CTNNA3: variants seen among roughly 807,000 people sequenced by gnomAD.
The protein encoded by CTNNA3 is catenin alpha-3.
Under a neutral mutation model 95.7 loss-of-function variants are expected in CTNNA3, and 76 were observed. The observed-to-expected ratio is 0.79, with a 90% confidence interval of 0.66 to 0.96. The LOEUF is 0.96. Among genes scored for constraint, CTNNA3 ranks in the 40% least tolerant of loss-of-function variants. The pLI is 0.00. For missense variants in CTNNA3, 1,191 were observed against 1,089.8 expected, an observed-to-expected ratio of 1.09 and a Z score of -1.31; for synonymous variants, 431 against 374.4, an observed-to-expected ratio of 1.15 and a Z score of -1.74.
At chr10:66,432,132 T>TA (rs1294843726) in intron 11 of CTNNA3, among the ~76,000 whole-genome samples, 2 of 151,914 alleles carry the variant, frequency 1.3e-5, no homozygotes, top group South Asian at 2.1e-4. Context: ...TATTTAATAA[T>TA]AAAAAACAAA....
At chr10:66,542,949 T>G (rs1295176426) in intron 10 of CTNNA3, among the ~76,000 whole-genome samples, 1 of 152,000 alleles carries the variant, frequency 6.6e-6, no homozygotes, top group Non-Finnish European at 1.5e-5. Context: ...AAAATAGAAA[T>G]TCTACTTTTA....
At chr10:66,503,529 T>C (rs1840348854) in intron 11 of CTNNA3, among the ~76,000 whole-genome samples, 1 of 151,938 alleles carries the variant, frequency 6.6e-6, no homozygotes, top group South Asian at 2.1e-4. Flanking sequence ...AGTGCAGTGG[T>C]GTGATCTCAG....
intron 10 of CTNNA3, among the ~76,000 whole-genome samples, chr10:66,618,541 C>T (rs942253660): frequency 4.6e-4 from 70 of 152,222 alleles, no homozygotes; most frequent in Admixed American, 2.6e-3. Flanking sequence ...CTTCCTTACA[C>T]CTTCTACAAA....
chr10:66,582,461 A>C (rs1843220491), intron 10 of CTNNA3, among the ~76,000 whole-genome samples: 1 of 151,740 alleles, frequency 6.6e-6, no homozygotes, highest in Non-Finnish European at 1.5e-5. Flanking sequence ...GATGTATAGC[A>C]GTGATACTGA....
At chr10:66,520,567 T>C in intron 11 of CTNNA3, 50 bp downstream of exon 11, 13 of 1,533,330 alleles carry the variant, frequency 8.5e-6, no homozygotes, top group Non-Finnish European at 1.2e-5. Context: ...TTATTCTATT[T>C]TATAAAATTG....
intron 11 of CTNNA3, among the ~76,000 whole-genome samples, chr10:66,450,641 G>A (rs1196892698): frequency 6.6e-6 from 1 of 152,046 alleles, no homozygotes; most frequent in African/African-American, 2.4e-5. Context: ...GAAAAATCTT[G>A]CTCCATTGAT....
chr10:67,331,299 G>A (rs1348396764), intron 5 of CTNNA3, among the ~76,000 whole-genome samples: 2 of 152,112 alleles, frequency 1.3e-5, no homozygotes, highest in African/African-American at 4.8e-5. Context: ...GTCCAAGCTT[G>A]AGACATGCAG....
chr10:66,332,310 C>A (rs531109693), intron 12 of CTNNA3, among the ~76,000 whole-genome samples: 43 of 151,846 alleles, frequency 2.8e-4, no homozygotes, highest in Middle Eastern at 3.4e-3. Context: ...GAGAGGGTAT[C>A]CCTGTCTTGT....
chr10:66,195,051 T>C (rs2086881319), intron 13 of CTNNA3, among the ~76,000 whole-genome samples: 1 of 152,146 alleles, frequency 6.6e-6, no homozygotes, highest in South Asian at 2.1e-4. Context: ...ATAATTTAGG[T>C]AGACTTGGGC....
intron 1 of CTNNA3, among the ~76,000 whole-genome samples, chr10:67,675,423 T>C (rs1023938788): frequency 1.3e-5 from 2 of 152,142 alleles, no homozygotes; most frequent in African/African-American, 4.8e-5. Flanking sequence ...GGGATCCAGA[T>C]CTGCTCCACA....
intron 1 of CTNNA3, among the ~76,000 whole-genome samples, chr10:67,747,700 TCTC>T (rs1228222712): frequency 6.6e-6 from 1 of 152,150 alleles, no homozygotes; most frequent in Non-Finnish European, 1.5e-5. Context: ...GAGTGCCTCT[TCTC>T]CTCCAAATGA....
intron 2 of CTNNA3, among the ~76,000 whole-genome samples, chr10:67,611,277 CCA>C (rs1311426744): frequency 6.6e-6 from 1 of 151,962 alleles, no homozygotes. Flanking sequence ...TTATATAGAG[CCA>C]CACTGGCACA....
intron 6 of CTNNA3, among the ~76,000 whole-genome samples, chr10:67,211,966 C>G (rs146630489): frequency 6.6e-6 from 1 of 152,102 alleles, no homozygotes; most frequent in East Asian, 1.9e-4. Flanking sequence ...CTAAATAGTA[C>G]AAATGTAAGA....
At chr10:66,078,048 C>A (rs140561734) in intron 14 of CTNNA3, among the ~76,000 whole-genome samples, 3 of 151,802 alleles carry the variant, frequency 2.0e-5, no homozygotes, top group African/African-American at 7.2e-5. Context: ...AGCTGTTAAC[C>A]CTTTTTCCAC....
intron 12 of CTNNA3, among the ~76,000 whole-genome samples, chr10:66,375,033 G>T (rs1019507156): frequency 3.3e-5 from 5 of 152,006 alleles, no homozygotes; most frequent in African/African-American, 1.2e-4. Flanking sequence ...AGAACAGAAA[G>T]AATTCATTAT....
At chr10:67,454,067 CAT>C (rs1173093226) in intron 5 of CTNNA3, among the ~76,000 whole-genome samples, 5 of 152,078 alleles carry the variant, frequency 3.3e-5, no homozygotes, top group Non-Finnish European at 5.9e-5. Context: ...GAGATAATAT[CAT>C]ATGAAATCTA....
chr10:66,723,105 C>A (rs1407973029), intron 9 of CTNNA3, among the ~76,000 whole-genome samples: 3 of 151,892 alleles, frequency 2.0e-5, no homozygotes, highest in Non-Finnish European at 4.4e-5. Context: ...TCCTGCCTAG[C>A]AAGAAAGAAT....
intron 12 of CTNNA3, among the ~76,000 whole-genome samples, chr10:66,299,090 C>T (rs561366439): frequency 2.6e-5 from 4 of 152,236 alleles, no homozygotes; most frequent in Admixed American, 6.5e-5. Context: ...CTCCCTGCTG[C>T]GAGTCTTCTG....
At chr10:67,089,430 C>A (rs1001319763) in intron 7 of CTNNA3, among the ~76,000 whole-genome samples, 2 of 151,880 alleles carry the variant, frequency 1.3e-5, no homozygotes, top group African/African-American at 4.8e-5. Context: ...GATCCAACAG[C>A]CTGTTGTACT....
Sources: allele counts gnomAD v4.1 joint callset (sites outside exome capture counted in the v4.1 genomes callset), GRCh38; gene constraint gnomAD v4.1.1; transcripts MANE v1.5; gene names NCBI Gene and HGNC (gene_info 2026-07-23, HGNC 2026-07-21).